Variants in SPOP observed in about 807,000 individuals in gnomAD.
The protein encoded by SPOP is speckle-type POZ protein.
In SPOP, 11 loss-of-function variants were observed where a neutral mutation model predicts 45.6. The observed-to-expected ratio is 0.24, with a 90% CI of 0.15 to 0.40. SPOP has a LOEUF of 0.40. SPOP is among the 10% of genes least tolerant of loss of function. The probability of loss-of-function intolerance (pLI) is 1.00; values close to 1 mark genes in which losing one functional copy is unlikely to be tolerated. For missense variants in SPOP, 152 were observed against 465.6 expected (o/e 0.33, Z 6.20); for synonymous variants, 166 against 166.3 (o/e 1.00, Z 0.01).
intron 8 of SPOP, among the ~76,000 whole-genome samples, chr17:49,605,502 C>G (rs909961839): frequency 2.6e-5 from 4 of 151,766 alleles, no homozygotes; most frequent in African/African-American, 9.7e-5. Flanking sequence ...GCAGCCTGGC[C>G]AACATGGTGA....
At chr17:49,648,169 T>A (rs1220201401) in intron 1 of SPOP, among the ~76,000 whole-genome samples, 2 of 152,244 alleles carry the variant, frequency 1.3e-5, no homozygotes, top group African/African-American at 4.8e-5. Context: ...TAGTTACTGG[T>A]TTCTAATTGA....
At chr17:49,662,673 G>C (rs112495075) in intron 1 of SPOP, among the ~76,000 whole-genome samples, 4,269 of 151,630 alleles carry the variant, frequency 0.028, 202 homozygotes, top group African/African-American at 0.097. Flanking sequence ...GGCGACAGGG[G>C]GAGACTCCAT....
intron 1 of SPOP, among the ~76,000 whole-genome samples, chr17:49,625,625 T>G (rs947428610): frequency 1.3e-5 from 2 of 151,464 alleles, no homozygotes; most frequent in Non-Finnish European, 1.5e-5. Flanking sequence ...TAAAATAAAA[T>G]AAAAGAACTA....
chr17:49,625,346 C>T (rs774930355), intron 1 of SPOP, among the ~76,000 whole-genome samples: 1 of 152,158 alleles, frequency 6.6e-6, no homozygotes, highest in Non-Finnish European at 1.5e-5. Context: ...CGGTGGCTCA[C>T]GCCTGTAATC....
intron 5 of SPOP, among the ~76,000 whole-genome samples, chr17:49,614,407 A>G (rs982700940): frequency 1.3e-5 from 2 of 152,252 alleles, no homozygotes; most frequent in African/African-American, 4.8e-5. Context: ...CCATTTTTAT[A>G]AAGCTCCAAA....
At chr17:49,617,262 A>C (rs989297784) in intron 5 of SPOP, among the ~76,000 whole-genome samples, 4 of 152,242 alleles carry the variant, frequency 2.6e-5, no homozygotes, top group Non-Finnish European at 5.9e-5. Flanking sequence ...AGAATTTTCT[A>C]CTATTTTTAA....
intron 1 of SPOP, among the ~76,000 whole-genome samples, chr17:49,628,898 A>T: frequency 6.6e-6 from 1 of 152,138 alleles, no homozygotes. Context: ...TATTCTATAT[A>T]TCCCTTATCA....
At chr17:49,646,032 A>ACCATATTTTGCTGCCTTT (rs1323121559) in intron 1 of SPOP, 1 of 152,256 alleles carries the variant, frequency 6.6e-6, no homozygotes, top group African/African-American at 2.4e-5. Flanking sequence ...AAAAGTACTA[A>ACCATATTTTGCTGCCTTT]CCATATTTTG....
At chr17:49,641,043 ACT>A (rs1324522897) in intron 1 of SPOP, among the ~76,000 whole-genome samples, 3 of 151,988 alleles carry the variant, frequency 2.0e-5, no homozygotes, top group Non-Finnish European at 4.4e-5. Context: ...CGGGTGGATC[ACT>A]TGAGGTCAGG....
chr17:49,604,251 GC>G (rs1359866557), intron 8 of SPOP, among the ~76,000 whole-genome samples: 1 of 152,166 alleles, frequency 6.6e-6, no homozygotes, highest in Admixed American at 6.5e-5. Context: ...TCCATTAAAA[GC>G]AAGTTTCCCC....
Position 49,619,049 on chromosome 17 carries a change from G to A in SPOP, c.412C>T (p.Arg138Cys), listed in dbSNP as rs968974699. 6.2e-7 allele frequency: 1 copy of A among 1,614,090 alleles called. No homozygotes were observed. The highest frequency in any genetic ancestry group is 1.1e-5 in the South Asian group (1 of 91,084). Residue 138 changes from arginine to cysteine, a missense_variant, in exon 5 of 10, where the codon CGT becomes TGT. Around this residue, in one of 3 missense-constraint regions of SPOP, gnomAD observed 28 missense variants for 176.8 expected, o/e 0.16. Transcript: ENST00000504102. This position sits in a 1 kb window ranked among gnomAD's most constrained non-coding sequence, Gnocchi z 4.9. The part of the protein sequence containing the change: ...GKDWGFKKFI[R>C]RDFLLDEANG... ...GCCTCATCCAAAAGAAAATCTCTAC[G>A]GATGAATTTCTTGAATCCCCAGTCT...
intron 1 of SPOP, among the ~76,000 whole-genome samples, chr17:49,630,389 T>C (rs1597941744): frequency 6.6e-6 from 1 of 152,314 alleles, no homozygotes; most frequent in Non-Finnish European, 1.5e-5. Flanking sequence ...TTTAAATGAC[T>C]TTTGAATATT....
At chr17:49,660,788 C>A (rs1381828180) in intron 1 of SPOP, among the ~76,000 whole-genome samples, 1 of 152,032 alleles carries the variant, frequency 6.6e-6, no homozygotes, top group Non-Finnish European at 1.5e-5. Flanking sequence ...CAGGGTGAAA[C>A]CCCAGCTCTA....
chr17:49,625,709 ATTAT>A (rs1449472730), intron 1 of SPOP, among the ~76,000 whole-genome samples: 11 of 152,342 alleles, frequency 7.2e-5, no homozygotes, highest in African/African-American at 2.6e-4. Context: ...TGTACAGTAC[ATTAT>A]TTATGCAAAT....
At chr17:49,657,900 A>AC (rs1383312010) in intron 1 of SPOP, among the ~76,000 whole-genome samples, 1 of 151,494 alleles carries the variant, frequency 6.6e-6, no homozygotes, top group African/African-American at 2.4e-5. Context: ...ACAGGGTGTT[A>AC]CCATGTTAGC....
chr17:49,675,227 T>C (rs2073184051), intron 1 of SPOP, among the ~76,000 whole-genome samples: 1 of 152,214 alleles, frequency 6.6e-6, no homozygotes, highest in Non-Finnish European at 1.5e-5. Context: ...ACAACCTAAA[T>C]GTCCAATAAG....
rs573095797 is a variant in SPOP, at chr17:49,613,954, G to T, written c.481-2497C>A. Among the ~76,000 whole-genome samples, 47 of 152,210 alleles carry T rather than the reference G, an allele frequency of 3.1e-4. 1 individual carries two copies. In the South Asian group the frequency reaches 8.5e-3, roughly 28 times the overall value. On this transcript the variant is annotated intron_variant, in intron 5 of 9. Transcript: ENST00000504102. The stretch of plus-strand genomic sequence containing the variant: ...AAGATGACGTGACTGTGACATTTAT[G>T]TCATCTTATAAATGACTGCATGAAA...
chr17:49,607,953 C>T, intron 6 of SPOP, 24 bp from the exon 7 acceptor site: 1 of 1,610,132 alleles, frequency 6.2e-7, no homozygotes, highest in South Asian at 1.1e-5. Flanking sequence ...GAGAAACAAG[C>T]AGATAAGGCT....
intron 1 of SPOP, among the ~76,000 whole-genome samples, chr17:49,673,117 A>C (rs2073157389): frequency 6.6e-6 from 1 of 152,184 alleles, no homozygotes; most frequent in African/African-American, 2.4e-5. Context: ...TAATTGCCTT[A>C]ACTGTGACAA....
Sources: allele counts gnomAD v4.1 joint callset (sites outside exome capture counted in the v4.1 genomes callset), GRCh38; gene constraint gnomAD v4.1.1; regional missense constraint gnomAD v4.1.1; non-coding constraint Gnocchi (gnomAD v3.1); transcripts MANE v1.5; gene names NCBI Gene and HGNC (gene_info 2026-07-23, HGNC 2026-07-21).